SYN3: variants seen among roughly 807,000 people sequenced by gnomAD.
SYN3 encodes synapsin III, also known as synapsin-3.
Under a neutral mutation model 65.8 loss-of-function variants are expected in SYN3, and 35 were observed. The ratio of observed to expected loss-of-function variants is 0.53; its 90% confidence interval spans 0.41 to 0.70. The LOEUF (loss-of-function observed/expected upper bound fraction) is 0.70, where lower values mean the gene tolerates loss of function less well. Ranked by LOEUF, SYN3 falls within the 30% of genes least tolerant of loss-of-function variation. SYN3 has a pLI of 0.00. For missense variants in SYN3, 680 were observed against 749.0 expected (o/e 0.91, Z 1.08); for synonymous variants, 270 against 292.9 (o/e 0.92, Z 0.80).
chr22:32,565,244 T>C (rs1002139997), intron 7 of SYN3, among the ~76,000 whole-genome samples: 2 of 152,334 alleles, frequency 1.3e-5, no homozygotes, highest in African/African-American at 4.8e-5. Flanking sequence ...ATCACTATGC[T>C]GAGTTGCTTT....
At chr22:32,964,374 C>G (rs1459521186) in intron 3 of SYN3, among the ~76,000 whole-genome samples, 1 of 143,116 alleles carries the variant, frequency 7.0e-6, no homozygotes, top group African/African-American at 2.6e-5. Context: ...ACATATGTAA[C>G]TAACCTGCAC....
intron 1 of SYN3, among the ~76,000 whole-genome samples, chr22:33,046,897 C>T (rs973493870): frequency 2.6e-5 from 4 of 151,002 alleles, no homozygotes; most frequent in African/African-American, 4.9e-5. Context: ...CCCATGAGTT[C>T]CCACCAGGCC....
In SYN3 at chr22:32,568,224, C is replaced by G. The variant is rs533086598; in HGVS notation, c.775-26511G>C. Among the ~76,000 whole-genome samples the G allele has an allele frequency of 2.6e-4, 39 of 152,316 alleles. No homozygotes were observed. The East Asian group carries it at 7.5e-3, about 29-fold the overall frequency. ...TTTCCTTCCTGGAATGCTCTCCTTGCTCCTCTACCTAATTCCTACTCATTC... is the reference window on the plus strand; with the variant it reads ...TTTCCTTCCTGGAATGCTCTCCTTGGTCCTCTACCTAATTCCTACTCATTC... On this transcript the variant is annotated intron_variant, in intron 7 of 13. Coordinates refer to ENST00000358763, the MANE Select transcript of SYN3 (RefSeq NM_003490.4).
At chr22:33,011,112 T>C (rs1209315768) in intron 1 of SYN3, among the ~76,000 whole-genome samples, 1 of 152,158 alleles carries the variant, frequency 6.6e-6, no homozygotes, top group African/African-American at 2.4e-5. Context: ...ACCTCCAATA[T>C]TGAACAGAAA....
chr22:32,978,669 C>T (rs1287231718), intron 3 of SYN3, among the ~76,000 whole-genome samples: 1 of 152,192 alleles, frequency 6.6e-6, no homozygotes, highest in Non-Finnish European at 1.5e-5. Flanking sequence ...TTGGACCTCT[C>T]ATCCCTGGCT....
At chr22:32,852,572 T>C (rs1037522396) in intron 6 of SYN3, among the ~76,000 whole-genome samples, 3 of 152,142 alleles carry the variant, frequency 2.0e-5, no homozygotes, top group Non-Finnish European at 4.4e-5. Context: ...AAGGGCTTCC[T>C]TAGAGCAGGA....
At chr22:32,924,587 A>T (rs943341059) in intron 4 of SYN3, among the ~76,000 whole-genome samples, 1 of 152,078 alleles carries the variant, frequency 6.6e-6, no homozygotes, top group Non-Finnish European at 1.5e-5. Context: ...CTCAAAGAAA[A>T]CTCAAAATCT....
At chr22:32,522,261 G>A (rs2057896972) in intron 12 of SYN3, among the ~76,000 whole-genome samples, 1 of 152,246 alleles carries the variant, frequency 6.6e-6, no homozygotes, top group East Asian at 1.9e-4. Flanking sequence ...TTAATTCACT[G>A]GGCATTTTCT....
intron 7 of SYN3, among the ~76,000 whole-genome samples, chr22:32,574,126 C>A (rs1051549202): frequency 2.6e-5 from 4 of 151,686 alleles, no homozygotes; most frequent in Non-Finnish European, 4.4e-5. Flanking sequence ...TCTCAGGGCC[C>A]TTTCCTTGAT....
At chr22:32,756,729 T>G (rs1423285139) in intron 6 of SYN3, among the ~76,000 whole-genome samples, 1 of 152,176 alleles carries the variant, frequency 6.6e-6, no homozygotes, top group Non-Finnish European at 1.5e-5. Flanking sequence ...ACCATGTGAC[T>G]TTGCCTTCCA....
At chr22:32,753,234 C>T (rs574809213) in intron 6 of SYN3, among the ~76,000 whole-genome samples, 7 of 152,170 alleles carry the variant, frequency 4.6e-5, no homozygotes, top group Admixed American at 2.0e-4. Flanking sequence ...TCAAAGGTCA[C>T]GGGTCCTGTG....
chr22:32,770,870 C>CACATATGTGTTCAATTAAA (rs2045749511), intron 6 of SYN3, among the ~76,000 whole-genome samples: 1 of 152,060 alleles, frequency 6.6e-6, no homozygotes, highest in Non-Finnish European at 1.5e-5. Flanking sequence ...GTTCAATTAA[C>CACATATGTGTTCAATTAAA]ACATATGTGT....
At chr22:32,599,605 G>A (rs370413323) in intron 6 of SYN3, among the ~76,000 whole-genome samples, 1 of 152,132 alleles carries the variant, frequency 6.6e-6, no homozygotes, top group Non-Finnish European at 1.5e-5. Context: ...ACAGGTGTGA[G>A]CCACTGCGCC....
At chr22:32,803,978 G>A (rs564287083) in intron 6 of SYN3, among the ~76,000 whole-genome samples, 3 of 152,236 alleles carry the variant, frequency 2.0e-5, no homozygotes, top group East Asian at 1.9e-4. Flanking sequence ...GGGCCTTCCC[G>A]TCTGCTTACT....
chr22:32,956,041 C>CATATATATATATAT (rs5845054), intron 3 of SYN3, among the ~76,000 whole-genome samples: 12,754 of 129,626 alleles, frequency 0.098, 758 homozygotes, highest in Non-Finnish European at 0.13. Flanking sequence ...AATAAATTCA[C>CATATATATATATAT]ATATATATAT....
chr22:32,764,570 G>A (rs952121140), intron 6 of SYN3, among the ~76,000 whole-genome samples: 2 of 152,218 alleles, frequency 1.3e-5, no homozygotes, highest in Admixed American at 1.3e-4. Flanking sequence ...CACTGGGCTG[G>A]AAGGCAGGTT....
intron 1 of SYN3, among the ~76,000 whole-genome samples, chr22:33,048,237 T>C (rs1348805265): frequency 2.6e-5 from 4 of 152,112 alleles, no homozygotes; most frequent in African/African-American, 9.7e-5. Flanking sequence ...TTTCCACATA[T>C]ATTATCTCAT....
intron 6 of SYN3, among the ~76,000 whole-genome samples, chr22:32,799,152 C>T (rs965417781): frequency 2.2e-4 from 34 of 152,182 alleles, no homozygotes; most frequent in Non-Finnish European, 4.1e-4. Context: ...GACTCCCCTA[C>T]GCAAGGATTC....
rs187652498 is a variant in SYN3, at chr22:32,963,432, G to A, written c.369+17213C>T. Among the ~76,000 whole-genome samples, 248 of 152,046 alleles carry A rather than the reference G, an allele frequency of 1.6e-3. 1 individual carries two copies. The highest frequency in any genetic ancestry group is 3.0e-3 in the Non-Finnish European group (207 of 67,994). ...AGGTGTTTAGGGGAAGGAAAACCTA[G>A]TTCTGAACTGATTAGAGACCGCAAA... On this transcript the variant is annotated intron_variant, in intron 3 of 13. Coordinates refer to ENST00000358763, the MANE Select transcript of SYN3 (RefSeq NM_003490.4).
Sources: allele counts gnomAD v4.1 joint callset (sites outside exome capture counted in the v4.1 genomes callset), GRCh38; gene constraint gnomAD v4.1.1; transcripts MANE v1.5; gene names NCBI Gene and HGNC (gene_info 2026-07-23, HGNC 2026-07-21).